The following MAP9 variants were observed in gnomAD, a reference collection of about 807,000 sequenced individuals.
The protein encoded by MAP9 is microtubule associated protein 9, also known as microtubule-associated protein 9.
Under a neutral mutation model 75.2 loss-of-function variants are expected in MAP9, and 80 were observed. That is an observed-to-expected ratio of 1.06 (90% CI 0.89 to 1.28). The LOEUF is 1.28. Among genes scored for constraint, MAP9 ranks in the 50% most tolerant of loss-of-function variants. MAP9 has a pLI of 0.00. For synonymous variants in MAP9, 235 were observed against 237.3 expected, an observed-to-expected ratio of 0.99 and a Z score of 0.09; for missense variants, 753 against 719.9, an observed-to-expected ratio of 1.05 and a Z score of -0.53.
chr4:155,373,101 C>T, intron 4 of MAP9, 35 bp downstream of exon 4: 1 of 1,378,658 alleles, frequency 7.3e-7, no homozygotes, highest in South Asian at 1.5e-5. Flanking sequence ...AATAAACTTC[C>T]AAGAAATGCA....
Position 155,353,297 on chromosome 4 carries a change from G to C in MAP9, c.1424C>G (p.Ala475Gly). Residue 475 changes from alanine to glycine, a missense_variant, in exon 11 of 14, where the codon GCC (alanine) becomes GGC (glycine). Ala to Gly is a moderately conservative substitution (Grantham distance 60). Transcript: ENST00000311277. ...KREEALASFE[A>G]WKAMKEKEAK... ...TTCCTTTTCTTTCATAGCCTTCCAGGCCTCAAATGATGCTAATGCTTCTTC... is the reference window on the plus strand; with the variant it reads ...TTCCTTTTCTTTCATAGCCTTCCAGCCCTCAAATGATGCTAATGCTTCTTC... 1 of 1,600,556 alleles carries C rather than the reference G, an allele frequency of 6.2e-7. No individual in the cohort carries two copies. The highest frequency in any genetic ancestry group is 8.5e-7 in the Non-Finnish European group (1 of 1,176,132).
intron 13 of MAP9, among the ~76,000 whole-genome samples, chr4:155,348,203 G>A (rs1022033288): frequency 7.3e-5 from 11 of 151,566 alleles, no homozygotes; most frequent in African/African-American, 1.7e-4. Context: ...CAGGTGTGGC[G>A]GTGCATGCCT....
chr4:155,368,430 T>A, intron 5 of MAP9, 156 bp downstream of exon 5: 1 of 663,378 alleles, frequency 1.5e-6, no homozygotes, highest in Admixed American at 2.5e-5. Flanking sequence ...TGGAATACAG[T>A]GTATTTTTAA....
intron 8 of MAP9, among the ~76,000 whole-genome samples, chr4:155,356,336 T>C (rs946964373): frequency 2.6e-5 from 4 of 152,052 alleles, no homozygotes; most frequent in African/African-American, 9.7e-5. Flanking sequence ...GTAGGTAAAA[T>C]GTACAGTCTT....
chr4:155,375,649 G>T, intron 2 of MAP9, 127 bp downstream of exon 2: 1 of 515,914 alleles, frequency 1.9e-6, no homozygotes, highest in Admixed American at 3.7e-5. Context: ...ACATGATCAT[G>T]TGCAAAACCT....
At position 155,347,775 on chromosome 4, in the gene MAP9, T is replaced by C; in HGVS notation, c.*8A>G. 3 of 1,590,594 alleles carry C rather than the reference T, an allele frequency of 1.9e-6. No homozygotes were observed. The highest frequency in any genetic ancestry group is 2.6e-6 in the Non-Finnish European group (3 of 1,171,942). Reference sequence around the variant, plus strand: ...ATAAATAACCAAATAATGTAAGAACTAGAATTATCAAAACACTTTTGCGAA... The same window carrying C: ...ATAAATAACCAAATAATGTAAGAACCAGAATTATCAAAACACTTTTGCGAA... On this transcript the variant is annotated 3_prime_UTR_variant, in exon 14 of 14. Coordinates refer to ENST00000311277, the MANE Select transcript of MAP9 (RefSeq NM_001039580.2).
intron 5 of MAP9, chr4:155,363,314 A>C (rs1732174516): frequency 6.6e-6 from 1 of 152,146 alleles, no homozygotes; most frequent in Admixed American, 6.6e-5. Context: ...AAGGGACATA[A>C]AAGAATACAG....
At chr4:155,367,823 A>G (rs1329446525) in intron 5 of MAP9, among the ~76,000 whole-genome samples, 1 of 152,230 alleles carries the variant, frequency 6.6e-6, no homozygotes, top group African/African-American at 2.4e-5. Flanking sequence ...CTCACCTCCC[A>G]GAGAGCAGAT....
Position 155,346,463 on chromosome 4 carries a change from A to G in MAP9, c.*1320T>C, listed in dbSNP as rs1731289886. Reference sequence around the variant, plus strand: ...CTTGGCAGTCTCTGAGGCTACAGAGAAGTGTGAAAAAGAGCATAGAGATTT... The same window carrying G: ...CTTGGCAGTCTCTGAGGCTACAGAGGAGTGTGAAAAAGAGCATAGAGATTT... On this transcript the variant is annotated 3_prime_UTR_variant, in exon 14 of 14. Transcript: ENST00000311277. 6.6e-6 allele frequency: 1 copy of G among 152,126 alleles called. No homozygotes were observed. Among genetic ancestry groups the G allele is most frequent in the East Asian group, 1.9e-4 (1 of 5,184 alleles). 9.4% of individuals were successfully genotyped at this position (152,126 alleles called of 1,614,324 possible).
intron 5 of MAP9, among the ~76,000 whole-genome samples, chr4:155,363,958 A>G (rs1395003254): frequency 6.6e-6 from 1 of 152,134 alleles, no homozygotes. Context: ...TTCCCATTTC[A>G]CAGACAGTAT....
At chr4:155,371,716 G>GTT (rs1233164858) in intron 4 of MAP9, among the ~76,000 whole-genome samples, 2 of 139,560 alleles carry the variant, frequency 1.4e-5, no homozygotes, top group African/African-American at 2.6e-5. Context: ...CCCACCACAG[G>GTT]TTTTTTTTTT....
At chr4:155,350,221 G>T in intron 13 of MAP9, 1 of 452,018 alleles carries the variant, frequency 2.2e-6, no homozygotes, top group Non-Finnish European at 4.4e-6. Context: ...CCTATACAGG[G>T]GCAATTTTTC....
intron 10 of MAP9, 85 bp downstream of exon 10, chr4:155,354,986 A>G (rs1229735639): frequency 1.7e-6 from 1 of 577,924 alleles, no homozygotes; most frequent in African/African-American, 2.0e-5. Context: ...GCCATTTAAA[A>G]AGCTGATTTA....
chr4:155,373,522 T>C (rs1732700391), intron 3 of MAP9, 66 bp from the exon 4 acceptor site: 17 of 1,079,524 alleles, frequency 1.6e-5, no homozygotes, highest in Non-Finnish European at 2.2e-5. Context: ...TACGTTAACT[T>C]AATCAAAGTT....
chr4:155,352,829 A>C, intron 12 of MAP9, 83 bp downstream of exon 12: 1 of 1,407,872 alleles, frequency 7.1e-7, no homozygotes, highest in Non-Finnish European at 9.7e-7. Context: ...TGCATTACTA[A>C]ATTTCAAGTA....
Position 155,346,198 on chromosome 4 carries a change from T to C in MAP9, c.*1585A>G, listed in dbSNP as rs970201175. On this transcript the variant is annotated 3_prime_UTR_variant, in exon 14 of 14. Coordinates refer to ENST00000311277, the MANE Select transcript of MAP9 (RefSeq NM_001039580.2). ...CGTCTGGAGTGATCATCTCAAAGCC[T>C]TTGTCACATAACTTGCTGAGTTTTC... 2.6e-5 allele frequency: 4 copies of C among 152,144 alleles called. No individual in the cohort carries two copies. The highest frequency in any genetic ancestry group is 9.7e-5 in the African/African-American group (4 of 41,442). The allele number at this position is 152,144 out of a possible 1,614,324, so 9.4% of individuals were successfully genotyped here.
chr4:155,372,640 T>C (rs556928097), intron 4 of MAP9, among the ~76,000 whole-genome samples: 24 of 152,322 alleles, frequency 1.6e-4, no homozygotes, highest in Admixed American at 6.5e-4. Flanking sequence ...ACAGCAGCAA[T>C]AACATAACTC....
intron 5 of MAP9, chr4:155,368,072 C>T (rs1560814869): frequency 6.3e-6 from 1 of 158,378 alleles, no homozygotes; most frequent in South Asian, 2.0e-4. Context: ...ACCTGAAAGG[C>T]CACATTTAAT....
intron 2 of MAP9, among the ~76,000 whole-genome samples, chr4:155,375,289 G>A (rs1036247062): frequency 1.3e-5 from 2 of 152,122 alleles, no homozygotes; most frequent in African/African-American, 4.8e-5. Flanking sequence ...TTAATTGCAG[G>A]TTATAATTAG....
Sources: gnomAD v4.1 joint callset for allele counts (sites outside exome capture counted in the v4.1 genomes callset) on GRCh38, gnomAD v4.1.1 for gene constraint, MANE v1.5 for transcripts, NCBI Gene and HGNC (gene_info 2026-07-23, HGNC 2026-07-21) for gene names.